The following PARVB variants were observed in gnomAD, a reference collection of about 807,000 sequenced individuals.
The protein encoded by PARVB is parvin beta, also known as beta-parvin.
PARVB carries 46 observed loss-of-function variants against 47.0 expected under a neutral mutation model. That is an observed-to-expected ratio of 0.98 (90% CI 0.77 to 1.25). The LOEUF (loss-of-function observed/expected upper bound fraction) is 1.25. Ranked by LOEUF, PARVB falls within the 50% of genes most tolerant of loss-of-function variation. The pLI, the probability that PARVB is intolerant of heterozygous loss-of-function variation, is 0.00. For synonymous variants in PARVB, 196 were observed against 196.3 expected (o/e 1.00, Z 0.01); for missense variants, 473 against 471.6 (o/e 1.00, Z -0.03).
intron 6 of PARVB, among the ~76,000 whole-genome samples, chr22:44,133,448 A>T (rs1270257359): frequency 2.0e-5 from 3 of 152,178 alleles, no homozygotes; most frequent in Non-Finnish European, 4.4e-5. Context: ...CTCTTGATTC[A>T]CTTGGAGAAA....
intron 11 of PARVB, among the ~76,000 whole-genome samples, chr22:44,158,695 TC>T: frequency 6.6e-6 from 1 of 152,354 alleles, no homozygotes; most frequent in Non-Finnish European, 1.5e-5. Flanking sequence ...GTCACTGCCC[TC>T]GTGCGTGGGC....
chr22:44,126,947 A>G (rs1050833242), intron 4 of PARVB, among the ~76,000 whole-genome samples: 3 of 152,298 alleles, frequency 2.0e-5, no homozygotes, highest in Middle Eastern at 3.4e-3. Context: ...AGTGCCTTCT[A>G]TAGAGCAGAA....
intron 10 of PARVB, among the ~76,000 whole-genome samples, chr22:44,157,464 C>T (rs1277569178): frequency 1.3e-5 from 2 of 152,158 alleles, no homozygotes; most frequent in Non-Finnish European, 2.9e-5. Flanking sequence ...GTGTTAGAGC[C>T]CCCTCCCCTT....
At chr22:44,156,114 C>T (rs537293851) in intron 10 of PARVB, among the ~76,000 whole-genome samples, 24 of 151,074 alleles carry the variant, frequency 1.6e-4, no homozygotes, top group Non-Finnish European at 2.2e-4. Flanking sequence ...TGCAGTGAGC[C>T]GAGATCGCAC....
In PARVB at chr22:44,159,570, C is replaced by G. The variant is rs114251252; in HGVS notation, c.945+1487C>G. On this transcript the variant is annotated intron_variant, in intron 11 of 12. Coordinates refer to ENST00000338758, the MANE Select transcript of PARVB (RefSeq NM_013327.5). Reference sequence around the variant, plus strand: ...TCAGGAGAAAGGGAGCCTGGGGTGGCGGTGTGGCTCTGCGGGTGGCTGGAA... The same window carrying G: ...TCAGGAGAAAGGGAGCCTGGGGTGGGGGTGTGGCTCTGCGGGTGGCTGGAA... 3.1e-3 allele frequency among the ~76,000 whole-genome samples: 471 copies of G among 152,268 alleles called. 8 individuals are homozygous for G. The highest frequency in any genetic ancestry group is 0.011 in the African/African-American group (443 of 41,550).
At chr22:43,999,849 A>AAAC (rs1569041519) in intron 2 of PARVB, among the ~76,000 whole-genome samples, 1 of 145,778 alleles carries the variant, frequency 6.9e-6, no homozygotes, top group Non-Finnish European at 1.5e-5. Context: ...AAAAAAAAAA[A>AAAC]AAAAAAAAAC....
At chr22:44,073,898 A>T (rs2051708234) in intron 1 of PARVB, among the ~76,000 whole-genome samples, 1 of 151,780 alleles carries the variant, frequency 6.6e-6, no homozygotes, top group Non-Finnish European at 1.5e-5. Context: ...CCATTTTTAC[A>T]CTCCCTCATT....
intron 11 of PARVB, among the ~76,000 whole-genome samples, chr22:44,163,479 G>GTAAA (rs542231263): frequency 8.6e-5 from 13 of 151,990 alleles, no homozygotes; most frequent in Non-Finnish European, 1.8e-4. Flanking sequence ...CTCAAAAAAC[G>GTAAA]TAAATAAATA....
At chr22:44,088,498 GTC>G (rs1569103390) in intron 1 of PARVB, among the ~76,000 whole-genome samples, 5 of 152,158 alleles carry the variant, frequency 3.3e-5, no homozygotes. Flanking sequence ...GACAGACGGA[GTC>G]TCGCTGTGTT....
chr22:43,999,623 C>T, exon 2 of PARVB: 1 of 1,613,896 alleles, frequency 6.2e-7, no homozygotes, highest in Non-Finnish European at 8.5e-7. Flanking sequence ...TCACTTCTCC[C>T]TGGCTCAGAC....
At chr22:44,112,315 G>C (rs2052718424) in intron 3 of PARVB, 1 of 151,936 alleles carries the variant, frequency 6.6e-6, no homozygotes, top group South Asian at 2.1e-4. Flanking sequence ...CAGGTCTCTT[G>C]GTCTGGGGGG....
At chr22:44,154,939 A>G (rs1370803017) in intron 10 of PARVB, among the ~76,000 whole-genome samples, 3 of 102,470 alleles carry the variant, frequency 2.9e-5, no homozygotes, top group Admixed American at 1.1e-4. Flanking sequence ...GTGTGGTGTG[A>G]TGTGTGTGTG....
At position 44,094,233 on chromosome 22, in the gene PARVB, C is replaced by T. The variant is rs572339464; in HGVS notation, c.202+216C>T. Reference sequence around the variant, plus strand: ...AAGGGTTTCTGCCCTAGTCTTAAAACGTAAGTTTTATTTTTCAGGTGGTGA... The same window carrying T: ...AAGGGTTTCTGCCCTAGTCTTAAAATGTAAGTTTTATTTTTCAGGTGGTGA... On this transcript the variant is annotated intron_variant, in intron 2 of 12. Coordinates refer to ENST00000338758, the MANE Select transcript of PARVB (RefSeq NM_013327.5). Among the ~76,000 whole-genome samples the T allele has an allele frequency of 7.2e-5, 11 of 152,308 alleles. No homozygotes were observed. In the East Asian group the frequency reaches 1.2e-3, roughly 16 times the overall value.
chr22:44,056,937 CTGGGGGTGGAG>C (rs2051323604), intron 1 of PARVB, among the ~76,000 whole-genome samples: 1 of 82,690 alleles, frequency 1.2e-5, no homozygotes, highest in African/African-American at 4.7e-5. Context: ...GGGGGCTGAG[CTGGGGGTGGAG>C]CTGGGGGCTG....
In PARVB at chr22:44,158,884, T is replaced by C. The variant is rs1184725119; in HGVS notation, c.945+801T>C. Among the ~76,000 whole-genome samples the C allele has an allele frequency of 2.6e-5, 4 of 152,244 alleles. No individual in the cohort carries two copies. The East Asian group carries it at 5.8e-4, about 22-fold the overall frequency. On this transcript the variant is annotated intron_variant, in intron 11 of 12. Transcript: ENST00000338758. ...ACCCATGAGTCAGGGAGGCAGACAATGTAAGCTGGTGGCGACAGCCAGAGA... is the reference window on the plus strand; with the variant it reads ...ACCCATGAGTCAGGGAGGCAGACAACGTAAGCTGGTGGCGACAGCCAGAGA...
chr22:44,004,668 TAAGATGTTTAC>T (rs1168617393), intron 2 of PARVB, among the ~76,000 whole-genome samples: 2 of 152,230 alleles, frequency 1.3e-5, no homozygotes, highest in Non-Finnish European at 2.9e-5. Context: ...GTTCCTGCCT[TAAGATGTTTAC>T]AAGTAGAAAA....
intron 2 of PARVB, among the ~76,000 whole-genome samples, chr22:44,004,654 C>T (rs2050446041): frequency 6.6e-6 from 1 of 152,226 alleles, no homozygotes; most frequent in South Asian, 2.1e-4. Flanking sequence ...TCCCGCCTCA[C>T]GTAGTTCCTG....
chr22:44,042,291 G>A (rs1048065908), intron 1 of PARVB, among the ~76,000 whole-genome samples: 14 of 152,156 alleles, frequency 9.2e-5, no homozygotes, highest in African/African-American at 3.1e-4. Flanking sequence ...CCTGGTGGTG[G>A]GTGCCTGTAA....
At chr22:44,167,020 C>T (rs2054182630) in intron 12 of PARVB, among the ~76,000 whole-genome samples, 1 of 152,170 alleles carries the variant, frequency 6.6e-6, no homozygotes, top group South Asian at 2.1e-4. Flanking sequence ...TGTTGGTCCC[C>T]ACCCGGAGGA....
Sources: gnomAD v4.1 joint callset for allele counts (sites outside exome capture counted in the v4.1 genomes callset) on GRCh38, gnomAD v4.1.1 for gene constraint, MANE v1.5 for transcripts, NCBI Gene and HGNC (gene_info 2026-07-23, HGNC 2026-07-21) for gene names.